The following AGAP3 variants were observed in gnomAD, a reference collection of about 807,000 sequenced individuals.
AGAP3 encodes ArfGAP with GTPase domain, ankyrin repeat and PH domain 3.
In AGAP3, 24 loss-of-function variants were observed where a neutral mutation model predicts 96.9. That is an observed-to-expected ratio of 0.25 (90% CI 0.18 to 0.35). AGAP3 has a LOEUF of 0.35. AGAP3 is among the 10% of genes least tolerant of loss of function. The pLI is 1.00. For synonymous variants in AGAP3, 563 were observed against 536.1 expected, an observed-to-expected ratio of 1.05 and a Z score of -0.69; for missense variants, 876 against 1,254.2, an observed-to-expected ratio of 0.70 and a Z score of 4.55.
intron 5 of AGAP3, 154 bp downstream of exon 5, chr7:151,117,931 C>T (rs1335543733): frequency 1.7e-6 from 2 of 1,178,950 alleles, no homozygotes; most frequent in Non-Finnish European, 2.3e-6. Flanking sequence ...CTGCTCGTGT[C>T]TGAGGGCTTT....
intron 11 of AGAP3, chr7:151,137,770 A>G (rs1283118064): frequency 3.0e-5 from 8 of 270,052 alleles, no homozygotes; most frequent in Admixed American, 2.1e-4. Flanking sequence ...GCATATGTGG[A>G]CTAGAATGGA....
In AGAP3 at chr7:151,091,889, C is replaced by T. The variant is rs145818994; in HGVS notation, c.331+4817C>T. Reference sequence around the variant, plus strand: ...CAAACGTGTGCCAGGCCTGGGGGTCCGGAGGATTCCCACATAGAGGAAACA... The same window carrying T: ...CAAACGTGTGCCAGGCCTGGGGGTCTGGAGGATTCCCACATAGAGGAAACA... On this transcript the variant is annotated intron_variant, in intron 1 of 17. Transcript: ENST00000397238. Among the ~76,000 whole-genome samples, 280 of 152,132 alleles carry T rather than the reference C, an allele frequency of 1.8e-3. 2 individuals are homozygous for T. Among genetic ancestry groups the T allele is most frequent in the Middle Eastern group, 0.014 (4 of 294 alleles).
intron 1 of AGAP3, among the ~76,000 whole-genome samples, chr7:151,097,180 T>C (rs1481915275): frequency 6.6e-6 from 1 of 152,128 alleles, no homozygotes; most frequent in Non-Finnish European, 1.5e-5. Context: ...ATATTCAAAA[T>C]TGTATAAGTT....
intron 3 of AGAP3, 59 bp from the exon 4 acceptor site, chr7:151,117,312 C>A (rs1419904140): frequency 1.9e-6 from 3 of 1,608,414 alleles, no homozygotes; most frequent in African/African-American, 1.3e-5. Flanking sequence ...CTGTAGATTT[C>A]TTCTTGGCCC....
intron 1 of AGAP3, chr7:151,115,004 C>T (rs776502669): frequency 7.1e-6 from 7 of 988,350 alleles, no homozygotes; most frequent in South Asian, 4.5e-5. Flanking sequence ...TTTTGCTCGG[C>T]CTCCTGCGCC....
intron 10 of AGAP3, among the ~76,000 whole-genome samples, chr7:151,130,175 C>T (rs914512119): frequency 3.3e-5 from 5 of 152,196 alleles, no homozygotes; most frequent in African/African-American, 1.2e-4. Flanking sequence ...CAGTTCTTAC[C>T]TGCTCCTTTC....
chr7:151,144,184 T>G lies in AGAP3; in HGVS notation c.*241T>G, dbSNP rs1255458714. ...GTGCCATTGAAAAGGGACAGGACCC[T>G]TCGGAGGTGCCTGTGAGGAGAGGGG... is the stretch of plus-strand genomic sequence containing the variant. On this transcript the variant is annotated 3_prime_UTR_variant, in exon 18 of 18. Coordinates refer to ENST00000397238, the MANE Select transcript of AGAP3 (RefSeq NM_031946.7). 5.6e-6 allele frequency: 3 copies of G among 539,988 alleles called. No homozygotes were observed. Among genetic ancestry groups the G allele is most frequent in the Admixed American group, 3.4e-5 (1 of 29,406 alleles). The allele number at this position is 539,988 out of a possible 1,614,324, so 33.4% of individuals were successfully genotyped here.
At chr7:151,126,336 G>A (rs1263550467) in intron 9 of AGAP3, among the ~76,000 whole-genome samples, 1 of 149,626 alleles carries the variant, frequency 6.7e-6, no homozygotes, top group Non-Finnish European at 1.5e-5. Context: ...CTTCCAGGCC[G>A]CTGGAGATGG....
At chr7:151,086,333 CG>C (rs1168045400), upstream of AGAP3, among the ~76,000 whole-genome samples, 2 of 99,720 alleles carry the variant, frequency 2.0e-5, no homozygotes, top group African/African-American at 7.5e-5. Context: ...GAGCGAGGGG[CG>C]GGGGCGCCCG....
At chr7:151,123,595 G>A in intron 8 of AGAP3, 199 bp from the exon 9 acceptor site, 1 of 1,430,538 alleles carries the variant, frequency 7.0e-7, no homozygotes, top group Non-Finnish European at 9.2e-7. Context: ...GACCTGTGCT[G>A]CTCTGTATGG....
Position 151,123,807 on chromosome 7 carries a change from C to A in AGAP3, c.1142C>A (p.Ala381Asp). The A allele has an allele frequency of 6.2e-7, 1 of 1,613,130 alleles. No individual in the cohort carries two copies. Among genetic ancestry groups the A allele is most frequent in the Non-Finnish European group, 8.5e-7 (1 of 1,179,960 alleles). ...TTTCTCTTCCAGTCTCGGAAGGGTG[C>A]TGACCTGGACCGGGAGAAGAAGGCT... ...RSNIFTSRKG[A>D]DLDREKKAAE... The change falls in exon 9 of 18, where the codon GCT becomes GAT. Residue 381 changes from alanine to aspartate, a missense_variant. Physicochemically the swap from Ala to Asp is moderately radical, Grantham distance 126. Around this residue, in one of 8 missense-constraint regions of AGAP3, gnomAD observed 49 missense variants for 41.7 expected, o/e 1.17. Transcript: ENST00000397238.
chr7:151,103,508 T>C lies in AGAP3; in HGVS notation c.332-13285T>C, dbSNP rs1157185683. Among the ~76,000 whole-genome samples the C allele has an allele frequency of 3.3e-5, 5 of 152,282 alleles. No individual in the cohort carries two copies. In the East Asian group the frequency reaches 9.6e-4, roughly 29 times the overall value. On this transcript the variant is annotated intron_variant, in intron 1 of 17. Coordinates refer to ENST00000397238, the MANE Select transcript of AGAP3 (RefSeq NM_031946.7). ...TTAAAAATGTGATCATTATTAACAT[T>C]TTACCGCATTTGCTGGCTCTCTGTC...
rs577106608 is a variant in AGAP3, at chr7:151,124,652, GGCCAGA to G, written c.1221+770_1221+775del. ...TTTTGACCACAGAGGAGGCTCACGT[GGCCAGA>G]GCCCCTGAGCCTGGCGTGGCAAGGC... On this transcript the variant is annotated intron_variant, in intron 9 of 17. Transcript: ENST00000397238. Among the ~76,000 whole-genome samples, 630 of 152,324 alleles carry G rather than the reference GGCCAGA, an allele frequency of 4.1e-3. 2 individuals are homozygous for G. The highest frequency in any genetic ancestry group is 7.1e-3 in the Non-Finnish European group (484 of 68,022).
chr7:151,115,736 G>C (rs1398567989), intron 1 of AGAP3: 19 of 791,386 alleles, frequency 2.4e-5, no homozygotes, highest in Non-Finnish European at 3.0e-5. Flanking sequence ...CGCGCGTCCG[G>C]GGCTGGCGGG....
intron 1 of AGAP3, among the ~76,000 whole-genome samples, chr7:151,113,832 G>A (rs1007594642): frequency 1.3e-5 from 2 of 152,178 alleles, no homozygotes; most frequent in African/African-American, 4.8e-5. Flanking sequence ...GGGTGTCCAG[G>A]CAGCCCACAG....
chr7:151,129,705 C>G (rs1278923544), intron 10 of AGAP3, among the ~76,000 whole-genome samples: 1 of 152,052 alleles, frequency 6.6e-6, no homozygotes, highest in Non-Finnish European at 1.5e-5. Flanking sequence ...CCCCACCTCC[C>G]CACCGCGGGC....
chr7:151,143,546 C>T lies in AGAP3; in HGVS notation c.2479C>T (p.His827Tyr). The change falls in exon 17 of 18, where the codon CAT becomes TAT. Residue 827 changes from histidine to tyrosine, a missense_variant. By Grantham distance (83) the His-to-Tyr change is moderately conservative. This residue lies in a region of AGAP3 where 213 missense variants were observed against 253.8 expected (regional missense o/e 0.84). Transcript: ENST00000397238. The surrounding 1 kb of genome is among the most constrained non-coding windows in gnomAD (Gnocchi z 5.9). Reference sequence around the variant, plus strand: ...GGACGGGGACGGGCGGACGGCTCTACATCTCTCCAGTGCCATGGCCAACGT... The same window carrying T: ...GGACGGGGACGGGCGGACGGCTCTATATCTCTCCAGTGCCATGGCCAACGT... ...YGDGDGRTAL[H>Y]LSSAMANVVF... 1 of 1,613,288 alleles carries T rather than the reference C, an allele frequency of 6.2e-7. No homozygotes were observed. Among genetic ancestry groups the T allele is most frequent in the Non-Finnish European group, 8.5e-7 (1 of 1,179,530 alleles).
intron 1 of AGAP3, among the ~76,000 whole-genome samples, chr7:151,111,657 G>A (rs964806637): frequency 5.9e-5 from 9 of 152,006 alleles, no homozygotes; most frequent in Non-Finnish European, 1.2e-4. Flanking sequence ...AACTAGAGTC[G>A]GCTTCTCCTC....
At chr7:151,103,545 C>T (rs1454627330) in intron 1 of AGAP3, among the ~76,000 whole-genome samples, 1 of 152,110 alleles carries the variant, frequency 6.6e-6, no homozygotes, top group African/African-American at 2.4e-5. Flanking sequence ...CTGCCTCATG[C>T]TCACATATGT....
Sources: allele counts gnomAD v4.1 joint callset (sites outside exome capture counted in the v4.1 genomes callset), GRCh38; gene constraint gnomAD v4.1.1; regional missense constraint gnomAD v4.1.1; non-coding constraint Gnocchi (gnomAD v3.1); transcripts MANE v1.5; gene names NCBI Gene and HGNC (gene_info 2026-07-23, HGNC 2026-07-21).